Variants in WIPF2 observed in about 807,000 individuals in gnomAD.
WIPF2 encodes WAS/WASL-interacting protein family member 2.
In WIPF2, 23 loss-of-function variants were observed where a neutral mutation model predicts 38.8. The ratio of observed to expected loss-of-function variants is 0.59; its 90% CI spans 0.43 to 0.84. The LOEUF is 0.84. WIPF2 is among the 40% of genes least tolerant of loss of function. WIPF2 has a pLI of 0.00. For synonymous variants in WIPF2, 210 were observed against 223.2 expected (o/e 0.94, Z 0.53); for missense variants, 574 against 580.5 (o/e 0.99, Z 0.11).
rs1215893725 is a variant in WIPF2 at position 40,279,025 on chromosome 17, C to A, written c.*800C>A. Reference sequence around the variant, plus strand: ...AGGCTGAGGGATGTTTTTCCTCCCCCTTACCGCCCATGCCCTTGAAAGAAA... The same window carrying A: ...AGGCTGAGGGATGTTTTTCCTCCCCATTACCGCCCATGCCCTTGAAAGAAA... On this transcript the variant is annotated 3_prime_UTR_variant, in exon 8 of 8. Coordinates refer to ENST00000323571, the MANE Select transcript of WIPF2 (RefSeq NM_133264.5). 1.3e-5 allele frequency: 2 copies of A among 152,214 alleles called. No individual in the cohort carries two copies. The highest frequency in any genetic ancestry group is 2.9e-5 in the Non-Finnish European group (2 of 68,060). The allele number at this position is 152,214 out of a possible 1,614,324, so 9.4% of individuals were successfully genotyped here. A position where few individuals can be genotyped will look rare whatever the true frequency, so the allele number is the denominator to read the frequency against.
rs777738692 is a variant in WIPF2, at chr17:40,277,189, GAAT to G, written c.1282+14_1282+16del. 24 of 1,592,384 alleles carry G rather than the reference GAAT, an allele frequency of 1.5e-5. No individual in the cohort carries two copies. The highest frequency in any genetic ancestry group is 2.2e-5 in the East Asian group (1 of 44,654). ...ATCCCAGCAAAACAAACCGAGGTGA[GAAT>G]AATAATAAGAAGGTTTTTCCATAAT... is the stretch of plus-strand genomic sequence containing the variant. On this transcript the variant is annotated splice_donor_region_variant and intron_variant, in intron 7 of 7. Coordinates refer to ENST00000323571, the MANE Select transcript of WIPF2 (RefSeq NM_133264.5).
intron 1 of WIPF2, among the ~76,000 whole-genome samples, chr17:40,223,137 TTTTA>T (rs2030324661): frequency 6.6e-6 from 1 of 151,926 alleles, no homozygotes; most frequent in African/African-American, 2.4e-5. Flanking sequence ...GTGTTTGTTT[TTTTA>T]TTTGTTTATT....
intron 1 of WIPF2, among the ~76,000 whole-genome samples, chr17:40,248,163 C>CT (rs60359132): frequency 0.04 from 1,927 of 47,620 alleles, 448 homozygotes; most frequent in African/African-American, 0.054. Flanking sequence ...AAAGTTATTT[C>CT]TTTTTTTTTT....
intron 1 of WIPF2, among the ~76,000 whole-genome samples, chr17:40,228,956 G>A (rs945035888): frequency 6.6e-6 from 1 of 151,204 alleles, no homozygotes; most frequent in African/African-American, 2.4e-5. Flanking sequence ...TTTTAGACAA[G>A]GTTTCATTCC....
Position 40,261,090 on chromosome 17 carries a change from AG to A in WIPF2, c.196+426del, listed in dbSNP as rs1173660622. Among the ~76,000 whole-genome samples the A allele has an allele frequency of 2.7e-5, 4 of 150,748 alleles. No homozygotes were observed. In the East Asian group the frequency reaches 7.8e-4, roughly 30 times the overall value. Reference sequence around the variant, plus strand: ...TCTCTTACTGTAACTAATGCTCATCAGGGTACATCCTTGACTGTCCTTTGAG... The same window carrying A: ...TCTCTTACTGTAACTAATGCTCATCAGGTACATCCTTGACTGTCCTTTGAG... On this transcript the variant is annotated intron_variant, in intron 3 of 7. Coordinates refer to ENST00000323571, the MANE Select transcript of WIPF2 (RefSeq NM_133264.5).
chr17:40,224,406 ATTTTTTTTTTT>A (rs67838907), intron 1 of WIPF2, among the ~76,000 whole-genome samples: 1 of 89,134 alleles, frequency 1.1e-5, no homozygotes, highest in South Asian at 3.5e-4. Flanking sequence ...GATTTTTTGT[ATTTTTTTTTTT>A]TTTTTTTTTG....
intron 1 of WIPF2, among the ~76,000 whole-genome samples, chr17:40,230,347 A>G (rs1475694240): frequency 6.6e-6 from 1 of 152,192 alleles, no homozygotes; most frequent in African/African-American, 2.4e-5. Flanking sequence ...TTCAAAAAAC[A>G]ACAACTAAAA....
chr17:40,274,931 CAAA>C (rs777312230), intron 6 of WIPF2, among the ~76,000 whole-genome samples: 1 of 45,580 alleles, frequency 2.2e-5, no homozygotes, highest in Admixed American at 2.3e-4. Flanking sequence ...GAATCTGTCT[CAAA>C]AAAAAAAAAA....
chr17:40,236,604 C>T (rs2030978488), intron 1 of WIPF2, among the ~76,000 whole-genome samples: 3 of 148,820 alleles, frequency 2.0e-5, no homozygotes, highest in East Asian at 1.9e-4. Flanking sequence ...CCTCACTCAG[C>T]CTCTTTTTTT....
Position 40,231,935 on chromosome 17 carries a change from CT to C in WIPF2, c.-70+12460del, listed in dbSNP as rs71152658. Among the ~76,000 whole-genome samples the C allele has an allele frequency of 8.2e-3, 855 of 104,224 alleles. 1 individual carries two copies. The highest frequency in any genetic ancestry group is 0.065 in the Middle Eastern group (11 of 168). 68.4% of individuals were successfully genotyped at this position (104,224 alleles called of 152,430 possible). On this transcript the variant is annotated intron_variant, in intron 1 of 7. Transcript: ENST00000323571. ...CTAAAGATTCTTTGATTTTTTCTTT[CT>C]TTTTTTTTTTTTTTTTAGCAGTTAG...
At chr17:40,248,427 C>T (rs188407839) in intron 1 of WIPF2, among the ~76,000 whole-genome samples, 92 of 152,096 alleles carry the variant, frequency 6.0e-4, no homozygotes, top group Non-Finnish European at 1.2e-3. Flanking sequence ...CCTCGGCCTC[C>T]CAAAGTGCTG....
intron 1 of WIPF2, among the ~76,000 whole-genome samples, chr17:40,229,346 A>G (rs925480984): frequency 2.6e-5 from 4 of 152,020 alleles, no homozygotes; most frequent in Non-Finnish European, 5.9e-5. Flanking sequence ...ACCTCAGGTG[A>G]TCCGCCCACC....
chr17:40,219,364 G>T lies in WIPF2; in HGVS notation c.-198G>T. ...ATCCATTTCCGGGTTGGCAAAAGGG[G>T]CGGTGGCGGCGGCGGCGGCGGCGGC... On this transcript the variant is annotated 5_prime_UTR_variant, in exon 1 of 8. Transcript: ENST00000323571. The T allele has an allele frequency of 2.5e-6, 1 of 407,624 alleles. No homozygotes were observed. The highest frequency in any genetic ancestry group is 4.6e-6 in the Non-Finnish European group (1 of 216,844). 25.3% of individuals were successfully genotyped at this position (407,624 alleles called of 1,614,324 possible). A position where few individuals can be genotyped will look rare whatever the true frequency, so the allele number is the denominator to read the frequency against.
chr17:40,222,554 C>G (rs1423449989), intron 1 of WIPF2, among the ~76,000 whole-genome samples: 1 of 142,436 alleles, frequency 7.0e-6, no homozygotes, highest in Non-Finnish European at 1.5e-5. Flanking sequence ...TTTTCTGTTT[C>G]TTCCTCTTAG....
At chr17:40,257,845 T>TGTGTGTATGTGTGCACGCATAG (rs758505438) in intron 2 of WIPF2, among the ~76,000 whole-genome samples, 2 of 150,556 alleles carry the variant, frequency 1.3e-5, no homozygotes, top group African/African-American at 2.4e-5. Context: ...AGGCCATGGG[T>TGTGTGTATGTGTGCACGCATAG]GTGTGTATGT....
rs1001986640 is a variant in WIPF2 at position 40,280,168 on chromosome 17, A to G, written c.*1943A>G. 2 of 152,172 alleles carry G rather than the reference A, an allele frequency of 1.3e-5. No homozygotes were observed. Among genetic ancestry groups the G allele is most frequent in the African/African-American group, 4.8e-5 (2 of 41,430 alleles). The allele number at this position is 152,172 out of a possible 1,614,324, so 9.4% of individuals were successfully genotyped here. A position where few individuals can be genotyped will look rare whatever the true frequency, so the allele number is the denominator to read the frequency against. ...GTTATCTCCCAGAAGTATCCCTAGC[A>G]TCCTGAAGCAAACAGAACTGCCGGG... On this transcript the variant is annotated 3_prime_UTR_variant, in exon 8 of 8. Transcript: ENST00000323571.
intron 1 of WIPF2, among the ~76,000 whole-genome samples, chr17:40,247,804 G>C (rs1188242457): frequency 6.6e-6 from 1 of 152,106 alleles, no homozygotes; most frequent in Non-Finnish European, 1.5e-5. Context: ...TATAGGCTGA[G>C]CCAGTGCACC....
intron 2 of WIPF2, among the ~76,000 whole-genome samples, chr17:40,258,703 A>G (rs1760287495): frequency 1.3e-5 from 2 of 151,972 alleles, no homozygotes; most frequent in Admixed American, 1.3e-4. Flanking sequence ...CCATGAGTAG[A>G]GTTTAGCCAG....
At chr17:40,221,311 A>G (rs1300473707) in intron 1 of WIPF2, among the ~76,000 whole-genome samples, 2 of 152,178 alleles carry the variant, frequency 1.3e-5, no homozygotes, top group African/African-American at 4.8e-5. Flanking sequence ...AAGGCAAATT[A>G]TTAAGCTCTC....
Sources: gnomAD v4.1 joint callset for allele counts (sites outside exome capture counted in the v4.1 genomes callset) on GRCh38, gnomAD v4.1.1 for gene constraint, MANE v1.5 for transcripts, NCBI Gene and HGNC (gene_info 2026-07-23, HGNC 2026-07-21) for gene names.